The following EPHB1 variants were observed in gnomAD, a reference collection of about 807,000 sequenced individuals.
The protein encoded by EPHB1 is EPH receptor B1.
A neutral mutation model predicts 94.4 loss-of-function variants in EPHB1; 30 were observed. That is an observed-to-expected ratio of 0.32 (90% confidence interval 0.24 to 0.43). EPHB1 has a LOEUF of 0.43. EPHB1 is among the 20% of genes least tolerant of loss of function. The pLI, the probability that EPHB1 is intolerant of heterozygous loss-of-function variation, is 1.00. For synonymous variants in EPHB1, 522 were observed against 489.1 expected, an observed-to-expected ratio of 1.07 and a Z score of -0.89; for missense variants, 1,055 against 1,308.3, an observed-to-expected ratio of 0.81 and a Z score of 2.99.
chr3:135,259,904 AAAC>A lies in EPHB1; in HGVS notation c.*787_*789del, dbSNP rs1933572086. 1 of 229,722 alleles carries A rather than the reference AAAC, an allele frequency of 4.4e-6. No homozygotes were observed. Among genetic ancestry groups the A allele is most frequent in the Non-Finnish European group, 8.7e-6 (1 of 115,530 alleles). The allele number at this position is 229,722 out of a possible 1,614,324, so 14.2% of individuals were successfully genotyped here. On this transcript the variant is annotated 3_prime_UTR_variant, in exon 16 of 16. Transcript: ENST00000398015. ...GACTGTGCTTGTTCGTAACAGATGC[AAAC>A]AAGAAAGAAGAACTGGGAAGTCTTT...
rs2107698200 is a variant in EPHB1, at chr3:135,162,082, T to C, written c.1487T>C (p.Leu496Pro). The C allele has an allele frequency of 6.2e-7, 1 of 1,613,714 alleles. No individual in the cohort carries two copies. The highest frequency in any genetic ancestry group is 8.5e-7 in the Non-Finnish European group (1 of 1,179,716). ...SQTNTARIDG[L>P]RPGMVYVVQV... is the part of the protein sequence containing the mutation. ...ACCAACACAGCAAGGATTGATGGGCTGCGGCCTGGCATGGTATATGTGGTA... is the reference window on the plus strand; with the variant it reads ...ACCAACACAGCAAGGATTGATGGGCCGCGGCCTGGCATGGTATATGTGGTA... Residue 496 changes from leucine to proline, a missense_variant, in exon 7 of 16, where the codon CTG becomes CCG. By Grantham distance (98) the Leu-to-Pro change is moderately conservative. Coordinates refer to ENST00000398015, the MANE Select transcript of EPHB1 (RefSeq NM_004441.5).
chr3:134,841,984 A>G (rs1186763829), intron 1 of EPHB1, among the ~76,000 whole-genome samples: 1 of 152,178 alleles, frequency 6.6e-6, no homozygotes, highest in African/African-American at 2.4e-5. Flanking sequence ...ACATTGTTGC[A>G]GTGGTGCTGT....
intron 5 of EPHB1, among the ~76,000 whole-genome samples, chr3:135,134,486 GGT>G (rs144165420): frequency 2.0e-5 from 3 of 151,282 alleles, no homozygotes; most frequent in Admixed American, 6.6e-5. Context: ...GCTGTGTGTG[GGT>G]GTGTGTGTGT....
chr3:134,966,392 T>G (rs1933747541), intron 3 of EPHB1, among the ~76,000 whole-genome samples: 1 of 152,306 alleles, frequency 6.6e-6, no homozygotes, highest in Non-Finnish European at 1.5e-5. Context: ...GGGCTTTGTC[T>G]TAACCTCCTA....
intron 3 of EPHB1, among the ~76,000 whole-genome samples, chr3:135,001,056 G>A (rs185900114): frequency 6.6e-5 from 10 of 152,244 alleles, no homozygotes; most frequent in Admixed American, 2.0e-4. Context: ...CCTTTTCCAT[G>A]TATCTGGCCT....
intron 1 of EPHB1, among the ~76,000 whole-genome samples, chr3:134,844,531 C>T (rs1286070244): frequency 6.6e-6 from 1 of 152,218 alleles, no homozygotes; most frequent in Non-Finnish European, 1.5e-5. Flanking sequence ...ACTGATACTG[C>T]TGCCGGATAT....
chr3:134,927,753 G>A lies in EPHB1; in HGVS notation c.123+1873G>A, dbSNP rs143418649. On this transcript the variant is annotated intron_variant, in intron 2 of 15. Transcript: ENST00000398015. ...GCCCTTTAGAGACAGCAGCTGCCTG[G>A]GCTCTGCCTGTTTGCCCTCCCCACC... is the stretch of plus-strand genomic sequence containing the variant. Among the ~76,000 whole-genome samples, 541 of 152,298 alleles carry A rather than the reference G, an allele frequency of 3.6e-3. 1 individual carries two copies. The highest frequency in any genetic ancestry group is 5.3e-3 in the Non-Finnish European group (360 of 68,032).
At chr3:134,859,311 G>A (rs1040543389) in intron 1 of EPHB1, among the ~76,000 whole-genome samples, 23 of 152,186 alleles carry the variant, frequency 1.5e-4, no homozygotes, top group African/African-American at 5.5e-4. Flanking sequence ...ATCTCAGGGG[G>A]AGTTAATCAG....
At chr3:135,155,465 A>G (rs539379283) in intron 6 of EPHB1, among the ~76,000 whole-genome samples, 48 of 152,058 alleles carry the variant, frequency 3.2e-4, no homozygotes, top group Non-Finnish European at 6.6e-4. Context: ...ATGGGGAAGT[A>G]ATAGACAGAT....
chr3:134,848,393 ATCTC>A (rs1374171986), intron 1 of EPHB1, among the ~76,000 whole-genome samples: 1 of 152,258 alleles, frequency 6.6e-6, no homozygotes, highest in East Asian at 1.9e-4. Flanking sequence ...GTTGTTAATT[ATCTC>A]TCTAAGTGGA....
intron 3 of EPHB1, among the ~76,000 whole-genome samples, chr3:134,997,536 T>C (rs1171274479): frequency 6.6e-6 from 1 of 152,204 alleles, no homozygotes; most frequent in Non-Finnish European, 1.5e-5. Flanking sequence ...TTCTGCCCAA[T>C]TGTTTTAATT....
chr3:134,886,995 G>T (rs113272249), intron 1 of EPHB1, among the ~76,000 whole-genome samples: 7 of 152,328 alleles, frequency 4.6e-5, no homozygotes, highest in African/African-American at 1.7e-4. Flanking sequence ...TATAATCATG[G>T]AGCAACAGAT....
At chr3:135,224,178 C>CT (rs1378470940) in intron 12 of EPHB1, among the ~76,000 whole-genome samples, 1 of 152,122 alleles carries the variant, frequency 6.6e-6, no homozygotes. Context: ...CACATACACT[C>CT]TAAGATATTT....
intron 3 of EPHB1, among the ~76,000 whole-genome samples, chr3:135,000,104 T>A (rs1277230875): frequency 6.6e-6 from 1 of 152,206 alleles, no homozygotes; most frequent in Non-Finnish European, 1.5e-5. Flanking sequence ...GGAAATTTAC[T>A]TCTCCAGGAA....
intron 12 of EPHB1, among the ~76,000 whole-genome samples, chr3:135,218,284 A>G (rs1943200030): frequency 6.6e-6 from 1 of 152,082 alleles, no homozygotes; most frequent in South Asian, 2.1e-4. Flanking sequence ...CTTTTCCACC[A>G]CTCAAATAAT....
chr3:135,183,779 A>G (rs1415331039), intron 10 of EPHB1, among the ~76,000 whole-genome samples: 1 of 152,186 alleles, frequency 6.6e-6, no homozygotes, highest in African/African-American at 2.4e-5. Context: ...AAGTTGCTGG[A>G]GAGGGATTGC....
chr3:134,927,133 T>C (rs1316550768), intron 2 of EPHB1, among the ~76,000 whole-genome samples: 1 of 152,178 alleles, frequency 6.6e-6, no homozygotes, highest in African/African-American at 2.4e-5. Flanking sequence ...TCTCTCTGCG[T>C]CCCATCCCTG....
chr3:135,042,572 G>A (rs912090948), intron 3 of EPHB1, among the ~76,000 whole-genome samples: 1 of 152,200 alleles, frequency 6.6e-6, no homozygotes, highest in Non-Finnish European at 1.5e-5. Flanking sequence ...CCACCCTGCT[G>A]AGGAGGGCTG....
intron 1 of EPHB1, among the ~76,000 whole-genome samples, chr3:134,921,187 T>C (rs2038678398): frequency 6.6e-6 from 1 of 152,156 alleles, no homozygotes; most frequent in African/African-American, 2.4e-5. Context: ...CCCATCTGCT[T>C]GGGATGACTC....
Sources: allele counts gnomAD v4.1 joint callset (sites outside exome capture counted in the v4.1 genomes callset), GRCh38; gene constraint gnomAD v4.1.1; transcripts MANE v1.5; gene names NCBI Gene and HGNC (gene_info 2026-07-23, HGNC 2026-07-21).